Variants in PRELID2 observed in about 807,000 individuals in gnomAD.
The protein encoded by PRELID2 is PRELI domain containing 2, also known as PRELI domain-containing protein 2.
In PRELID2, 25 loss-of-function variants were observed where a neutral mutation model predicts 28.4. The ratio of observed to expected loss-of-function variants is 0.88; its 90% CI spans 0.64 to 1.23. The LOEUF is 1.23. Among genes scored for constraint, PRELID2 ranks in the 50% most tolerant of loss-of-function variants. The probability of loss-of-function intolerance (pLI) is 0.00; values close to 1 mark genes in which losing one functional copy is unlikely to be tolerated. For missense variants in PRELID2, 201 were observed against 214.4 expected (o/e 0.94, Z 0.39); for synonymous variants, 76 against 71.6 (o/e 1.06, Z -0.31).
chr5:145,587,958 A>C (rs1385303997), intron 1 of PRELID2, among the ~76,000 whole-genome samples: 2 of 152,160 alleles, frequency 1.3e-5, no homozygotes, highest in African/African-American at 4.8e-5. Context: ...GCCACCACTT[A>C]GAAAGAGGGA....
At chr5:145,566,818 TGAGA>T (rs1436924111) in intron 1 of PRELID2, among the ~76,000 whole-genome samples, 1 of 125,034 alleles carries the variant, frequency 8.0e-6, no homozygotes, top group Non-Finnish European at 1.6e-5. Flanking sequence ...CCAGCCTGGG[TGAGA>T]GAGTGAGACT....
At chr5:145,459,332 C>T in the PRELID2 span, among the ~76,000 whole-genome samples, 1 of 152,252 alleles carries the variant, frequency 6.6e-6, no homozygotes, top group East Asian at 1.9e-4. Flanking sequence ...TAACTGAACC[C>T]TCTTGAGATA....
chr5:145,565,597 T>C (rs1752957779), intron 1 of PRELID2, among the ~76,000 whole-genome samples: 1 of 152,250 alleles, frequency 6.6e-6, no homozygotes, highest in Non-Finnish European at 1.5e-5. Context: ...CTACAGCTCA[T>C]GCTCACCTTG....
At chr5:145,515,566 AAG>A (rs1486729703) in intron 1 of PRELID2, among the ~76,000 whole-genome samples, 1 of 152,200 alleles carries the variant, frequency 6.6e-6, no homozygotes, top group Non-Finnish European at 1.5e-5. Flanking sequence ...CCGAGTTACA[AAG>A]AGAAGCTGGT....
the PRELID2 span, among the ~76,000 whole-genome samples, chr5:145,430,130 A>G: frequency 1.8e-4 from 28 of 152,286 alleles, no homozygotes; most frequent in South Asian, 5.6e-3. Flanking sequence ...GTAATAGTTA[A>G]TTAATCCAAT....
the PRELID2 span, among the ~76,000 whole-genome samples, chr5:145,458,761 A>G: frequency 6.6e-6 from 1 of 152,210 alleles, no homozygotes; most frequent in African/African-American, 2.4e-5. Context: ...GATTTGATTT[A>G]TTGATTTCAT....
At chr5:145,712,031 G>T (rs2149710601) in intron 1 of PRELID2, among the ~76,000 whole-genome samples, 1 of 152,322 alleles carries the variant, frequency 6.6e-6, no homozygotes, top group Admixed American at 6.5e-5. Context: ...GACTCCTGAT[G>T]CTGCCCATAG....
At chr5:145,396,876 C>A in the PRELID2 span, among the ~76,000 whole-genome samples, 1 of 151,690 alleles carries the variant, frequency 6.6e-6, no homozygotes, top group African/African-American at 2.4e-5. Flanking sequence ...AGACAGAAGA[C>A]AGGGAATTTG....
chr5:145,730,531 G>C (rs967524883), intron 1 of PRELID2, among the ~76,000 whole-genome samples: 2 of 152,170 alleles, frequency 1.3e-5, no homozygotes, highest in African/African-American at 4.8e-5. Flanking sequence ...ATGAGGATGA[G>C]GTTGGTTGGA....
the PRELID2 span, chr5:145,229,533 A>G: frequency 6.8e-7 from 1 of 1,469,038 alleles, no homozygotes; most frequent in Admixed American, 1.7e-5. Context: ...ACCAGCGTCA[A>G]GGATGGCACC....
chr5:145,491,966 C>T (rs1367768363), intron 1 of PRELID2, among the ~76,000 whole-genome samples: 1 of 152,128 alleles, frequency 6.6e-6, no homozygotes, highest in Non-Finnish European at 1.5e-5. Flanking sequence ...TAGGTTGATT[C>T]CATGTTTGGC....
chr5:145,239,346 T>C, the PRELID2 span, among the ~76,000 whole-genome samples: 20 of 152,002 alleles, frequency 1.3e-4, no homozygotes, highest in Non-Finnish European at 2.9e-4. Flanking sequence ...CAGGAATCAC[T>C]TGGAGTGATG....
chr5:145,623,640 G>T (rs1458171063), intron 1 of PRELID2, among the ~76,000 whole-genome samples: 4 of 151,176 alleles, frequency 2.6e-5, no homozygotes, highest in Non-Finnish European at 5.9e-5. Context: ...TAGATAGGTA[G>T]GTAGGTAGAT....
intron 1 of PRELID2, among the ~76,000 whole-genome samples, chr5:145,584,668 A>T (rs1340952180): frequency 6.8e-6 from 1 of 147,940 alleles, no homozygotes; most frequent in Non-Finnish European, 1.5e-5. Context: ...CACGCATTCA[A>T]CAAACATGGA....
intron 2 of PRELID2, among the ~76,000 whole-genome samples, chr5:145,821,322 C>A (rs142257881): frequency 0.011 from 1,653 of 148,250 alleles, 47 homozygotes; most frequent in Admixed American, 0.065. Flanking sequence ...TGTGTGTAAG[C>A]CCTCTTCTGT....
At chr5:145,245,766 T>C in the PRELID2 span, among the ~76,000 whole-genome samples, 1 of 152,092 alleles carries the variant, frequency 6.6e-6, no homozygotes, top group Non-Finnish European at 1.5e-5. Flanking sequence ...AGACCCCGTA[T>C]TAGTTGTGTG....
At position 145,737,005 on chromosome 5, in the gene PRELID2, G is replaced by A. The variant is rs554843361; in HGVS notation, n.70+27926C>T. ...ATTTTATTTTGGGAATTATTTAGAG[G>A]GTGGTGAAGAAAAAGAGAAGAGAAT... On this transcript the variant is annotated intron_variant and non_coding_transcript_variant, in intron 1 of 2. Transcript: ENST00000510259. Among the ~76,000 whole-genome samples the A allele has an allele frequency of 7.5e-4, 114 of 151,960 alleles. 2 individuals carry two copies. The highest frequency in any genetic ancestry group is 1.4e-3 in the Non-Finnish European group (98 of 67,992).
intron 1 of PRELID2, among the ~76,000 whole-genome samples, chr5:145,498,749 G>A (rs1752329902): frequency 6.6e-6 from 1 of 151,692 alleles, no homozygotes; most frequent in Non-Finnish European, 1.5e-5. Context: ...TAGAGATAAG[G>A]TTTCACCATG....
the PRELID2 span, among the ~76,000 whole-genome samples, chr5:145,339,830 T>C: frequency 6.6e-6 from 1 of 151,994 alleles, no homozygotes. Flanking sequence ...CCTCTAAAGA[T>C]CTGTATCCTG....
Sources: allele counts gnomAD v4.1 joint callset (sites outside exome capture counted in the v4.1 genomes callset), GRCh38; gene constraint gnomAD v4.1.1; transcripts MANE v1.5; gene names NCBI Gene and HGNC (gene_info 2026-07-23, HGNC 2026-07-21).